The following FRMD4A variants were observed in gnomAD, a reference collection of about 807,000 sequenced individuals.
FRMD4A encodes the protein FERM domain containing 4A.
FRMD4A carries 29 observed loss-of-function variants against 129.1 expected under a neutral mutation model. The observed-to-expected ratio is 0.22, with a 90% CI of 0.17 to 0.31. The LOEUF is 0.31. Ranked by LOEUF, FRMD4A falls within the 10% of genes least tolerant of loss-of-function variation. The pLI, the probability that FRMD4A is intolerant of heterozygous loss-of-function variation, is 1.00. For missense variants in FRMD4A, 1,272 were observed against 1,375.8 expected (o/e 0.92, Z 1.19); for synonymous variants, 634 against 571.6 (o/e 1.11, Z -1.56).
At chr10:13,960,450 T>A (rs1453390630) in intron 2 of FRMD4A, among the ~76,000 whole-genome samples, 1 of 152,200 alleles carries the variant, frequency 6.6e-6, no homozygotes, top group African/African-American at 2.4e-5. Flanking sequence ...GACTGAACAT[T>A]GATTGGACAT....
intron 15 of FRMD4A, among the ~76,000 whole-genome samples, chr10:13,688,408 G>C (rs922293305): frequency 6.6e-6 from 1 of 152,096 alleles, no homozygotes; most frequent in Non-Finnish European, 1.5e-5. Flanking sequence ...GTGGGGGACA[G>C]GGGGAGGGAT....
chr10:13,978,827 A>G (rs891343372), intron 2 of FRMD4A, among the ~76,000 whole-genome samples: 1 of 152,244 alleles, frequency 6.6e-6, no homozygotes, highest in African/African-American at 2.4e-5. Flanking sequence ...TCCCTGGGAA[A>G]GTACAGGAGA....
In FRMD4A at chr10:13,821,319, G is replaced by T. The variant is rs551702221; in HGVS notation, c.112-10411C>A. Among the ~76,000 whole-genome samples, 6 of 152,140 alleles carry T rather than the reference G, an allele frequency of 3.9e-5. No individual in the cohort carries two copies. The highest frequency in any genetic ancestry group is 7.4e-5 in the Non-Finnish European group (5 of 68,008). ...GGGAGGCTACTTCCTGTAGGCAGAC[G>T]GGTGTGAAGAACAATGGAGTTGCAC... On this transcript the variant is annotated intron_variant, in intron 3 of 24. Transcript: ENST00000357447. The surrounding 1 kb of genome is among the most constrained non-coding windows in gnomAD (Gnocchi z 4.3).
intron 2 of FRMD4A, among the ~76,000 whole-genome samples, chr10:14,098,046 A>T (rs1251893271): frequency 3.3e-5 from 3 of 91,480 alleles, no homozygotes; most frequent in Non-Finnish European, 7.7e-5. Flanking sequence ...TATATAAATT[A>T]TTTATTATAT....
intron 24 of FRMD4A, chr10:13,648,840 A>G (rs2081322651): frequency 6.6e-6 from 1 of 152,252 alleles, no homozygotes; most frequent in African/African-American, 2.4e-5. Context: ...TGTTTGGGAT[A>G]AAACTTCCCT....
intron 2 of FRMD4A, among the ~76,000 whole-genome samples, chr10:13,924,386 C>T (rs1454827717): frequency 6.7e-6 from 1 of 149,064 alleles, no homozygotes; most frequent in Non-Finnish European, 1.5e-5. Context: ...CCCATCTTAT[C>T]TCCGCCTACT....
At chr10:13,671,900 C>T (rs2083538508) in intron 16 of FRMD4A, among the ~76,000 whole-genome samples, 2 of 152,278 alleles carry the variant, frequency 1.3e-5, no homozygotes, top group Non-Finnish European at 2.9e-5. Context: ...GAAGGAGCTG[C>T]TCTGACAAGG....
chr10:14,229,831 C>T lies in FRMD4A; in HGVS notation c.45+100227G>A, dbSNP rs144007264. ...AAACTAAAATTCTGACTCCCTAGAG[C>T]TATCACATTGTAACAAAGCTGAACA... On this transcript the variant is annotated intron_variant, in intron 2 of 24. Transcript: ENST00000357447. Among the ~76,000 whole-genome samples, 1,381 of 152,350 alleles carry T rather than the reference C, an allele frequency of 9.1e-3. 19 individuals carry two copies. The highest frequency in any genetic ancestry group is 0.031 in the African/African-American group (1,283 of 41,578).
chr10:14,329,983 G>T, intron 2 of FRMD4A, 75 bp downstream of exon 2: 3 of 1,356,004 alleles, frequency 2.2e-6, no homozygotes, highest in East Asian at 2.5e-5. Context: ...CCACTGCAGC[G>T]GCAGCAGCAG....
chr10:14,029,270 T>C (rs1362863017), intron 2 of FRMD4A, among the ~76,000 whole-genome samples: 2 of 151,764 alleles, frequency 1.3e-5, no homozygotes, highest in African/African-American at 2.4e-5. Context: ...GGGGTGGGAA[T>C]TGGCTGAATT....
At chr10:13,842,674 T>C (rs1244727023) in intron 3 of FRMD4A, among the ~76,000 whole-genome samples, 1 of 152,194 alleles carries the variant, frequency 6.6e-6, no homozygotes, top group Admixed American at 6.5e-5. Flanking sequence ...TTTCTGTTGG[T>C]CAGCGGCAAA....
intron 3 of FRMD4A, among the ~76,000 whole-genome samples, chr10:13,838,471 C>A (rs1220266601): frequency 6.6e-6 from 1 of 150,978 alleles, no homozygotes; most frequent in Non-Finnish European, 1.5e-5. Flanking sequence ...ATTGCTTCCT[C>A]TCTGTTCTGT....
chr10:13,764,403 G>C (rs750504901), intron 6 of FRMD4A, among the ~76,000 whole-genome samples: 3 of 152,040 alleles, frequency 2.0e-5, no homozygotes, highest in African/African-American at 7.3e-5. Context: ...TACTTGGGAG[G>C]CTGAGGTGGG....
rs537328271 is a variant in FRMD4A at position 14,220,057 on chromosome 10, C to T, written c.45+110001G>A. ...ATGCCAGGGTGTCTACTGTCCATGA[C>T]GACCATGTGGTCCTGACAATCCCGG... On this transcript the variant is annotated intron_variant, in intron 2 of 24. Transcript: ENST00000357447. 8.5e-5 allele frequency among the ~76,000 whole-genome samples: 13 copies of T among 152,288 alleles called. No individual in the cohort carries two copies. In the South Asian group the frequency reaches 1.7e-3, roughly 19 times the overall value.
chr10:13,707,193 C>T (rs1460464178), intron 12 of FRMD4A, 80 bp from the exon 13 acceptor site: 7 of 921,146 alleles, frequency 7.6e-6, no homozygotes, highest in South Asian at 4.1e-5. Flanking sequence ...GGTTAACTTT[C>T]GACAGCTGGC....
intron 2 of FRMD4A, among the ~76,000 whole-genome samples, chr10:14,101,971 AT>A (rs1837328379): frequency 6.6e-6 from 1 of 152,236 alleles, no homozygotes; most frequent in South Asian, 2.1e-4. Context: ...AATGAAAAAA[AT>A]TAAGCTGCTT....
At chr10:14,195,229 C>T (rs1007540314) in intron 2 of FRMD4A, among the ~76,000 whole-genome samples, 7 of 152,084 alleles carry the variant, frequency 4.6e-5, no homozygotes, top group South Asian at 2.1e-4. Context: ...GAAACAGGCT[C>T]AGCATGTTTA....
chr10:13,941,879 C>T (rs184894857), intron 2 of FRMD4A, among the ~76,000 whole-genome samples: 6 of 152,256 alleles, frequency 3.9e-5, no homozygotes, highest in African/African-American at 1.4e-4. Flanking sequence ...TGGAGTGAGG[C>T]CTCTCTTTTC....
At chr10:14,035,095 T>A (rs946857253) in intron 2 of FRMD4A, among the ~76,000 whole-genome samples, 5 of 152,152 alleles carry the variant, frequency 3.3e-5, no homozygotes, top group African/African-American at 9.7e-5. Flanking sequence ...GTTGTCAGTA[T>A]CTTATATGCT....
Sources: gnomAD v4.1 joint callset for allele counts (sites outside exome capture counted in the v4.1 genomes callset) on GRCh38, gnomAD v4.1.1 for gene constraint, Gnocchi (gnomAD v3.1) non-coding constraint, MANE v1.5 for transcripts, NCBI Gene and HGNC (gene_info 2026-07-23, HGNC 2026-07-21) for gene names.